The following NAV2 variants were observed in gnomAD, a reference collection of about 807,000 sequenced individuals.
NAV2 encodes the protein neuron navigator 2.
Under a neutral mutation model 223.2 loss-of-function variants are expected in NAV2, and 54 were observed. That is an observed-to-expected ratio of 0.24 (90% CI 0.19 to 0.30). NAV2 has a LOEUF of 0.30. Among genes scored for constraint, NAV2 ranks in the 10% least tolerant of loss-of-function variants. NAV2 has a pLI of 1.00. For missense variants in NAV2, 2,806 were observed against 3,147.5 expected (o/e 0.89, Z 2.60); for synonymous variants, 1,279 against 1,239.3 (o/e 1.03, Z -0.67).
intron 10 of NAV2, among the ~76,000 whole-genome samples, chr11:19,952,742 G>C (rs549337389): frequency 7.9e-5 from 12 of 152,248 alleles, no homozygotes; most frequent in Admixed American, 7.2e-4. Context: ...TTCTGTACTG[G>C]TGTGTGCATG....
At chr11:19,353,036 C>T (rs1176156816) in intron 1 of NAV2, among the ~76,000 whole-genome samples, 6 of 152,140 alleles carry the variant, frequency 3.9e-5, no homozygotes. Context: ...AGTGTTTTGG[C>T]TCATATACCT....
At chr11:19,831,995 AAGGGACCC>A (rs1357078846) in intron 1 of NAV2, among the ~76,000 whole-genome samples, 1 of 152,190 alleles carries the variant, frequency 6.6e-6, no homozygotes. Flanking sequence ...GCTTCTTTTC[AAGGGACCC>A]AGGCTCCTGA....
intron 4 of NAV2, among the ~76,000 whole-genome samples, chr11:19,879,600 T>C (rs1035050917): frequency 6.6e-6 from 1 of 152,110 alleles, no homozygotes; most frequent in Non-Finnish European, 1.5e-5. Context: ...GACGCTTGCT[T>C]TTTCATTGGT....
intron 22 of NAV2, among the ~76,000 whole-genome samples, chr11:20,074,574 CTT>C (rs1029516828): frequency 9.9e-5 from 15 of 152,052 alleles, no homozygotes; most frequent in African/African-American, 2.7e-4. Context: ...GTCTAAGTCT[CTT>C]TGTAGGTCTC....
rs537965700 is a variant in NAV2 at position 19,636,583 on chromosome 11, C to T, written c.76-195901C>T. Among the ~76,000 whole-genome samples the T allele has an allele frequency of 1.9e-3, 287 of 151,904 alleles. 1 individual carries two copies. The highest frequency in any genetic ancestry group is 4.7e-3 in the African/African-American group (193 of 41,398). ...TCGGCTCACTGCAAGCTCCGCCTCC[C>T]GGGTTCACGCCATTCTCCTGCCTCA... On this transcript the variant is annotated intron_variant, in intron 1 of 37. Transcript: ENST00000360655.
Position 20,026,901 on chromosome 11 carries a change from C to T in NAV2, c.2769-9058C>T, listed in dbSNP as rs144746829. 5.3e-3 allele frequency among the ~76,000 whole-genome samples: 812 copies of T among 152,276 alleles called. 5 individuals carry two copies. Among genetic ancestry groups the T allele is most frequent in the Non-Finnish European group, 7.7e-3 (523 of 68,028 alleles). ...TGGGAGAACATATGTTACATAACAA[C>T]AGAGCCTGACACATAGCAAACCATT... is the stretch of plus-strand genomic sequence containing the variant. On this transcript the variant is annotated intron_variant, in intron 11 of 37. Coordinates refer to ENST00000349880, the MANE Select transcript of NAV2 (RefSeq NM_145117.5).
intron 1 of NAV2, among the ~76,000 whole-genome samples, chr11:19,462,371 T>G (rs1343714572): frequency 3.3e-5 from 5 of 152,150 alleles, no homozygotes; most frequent in African/African-American, 4.8e-5. Context: ...TATTCCTATC[T>G]TATAGGTGGG....
At chr11:19,877,723 C>T (rs941233724) in intron 4 of NAV2, among the ~76,000 whole-genome samples, 2 of 152,016 alleles carry the variant, frequency 1.3e-5, no homozygotes, top group Non-Finnish European at 2.9e-5. Flanking sequence ...CCACCCACCT[C>T]GGCCTCCCAA....
At chr11:19,693,205 G>A (rs574896394) in intron 1 of NAV2, among the ~76,000 whole-genome samples, 73 of 152,328 alleles carry the variant, frequency 4.8e-4, no homozygotes, top group African/African-American at 1.7e-3. Context: ...CTCTGCGTGT[G>A]ACTCTCACCC....
intron 1 of NAV2, among the ~76,000 whole-genome samples, chr11:19,405,564 A>G (rs555497797): frequency 1.3e-5 from 2 of 152,330 alleles, no homozygotes; most frequent in South Asian, 2.1e-4. Context: ...TTAGAAAACC[A>G]TCCGTCTCCC....
intron 1 of NAV2, among the ~76,000 whole-genome samples, chr11:19,467,528 C>A (rs553113546): frequency 6.6e-6 from 1 of 152,280 alleles, no homozygotes; most frequent in South Asian, 2.1e-4. Flanking sequence ...CTTGTTTTAT[C>A]ACATCCTGGA....
At chr11:19,849,473 G>A (rs1565424093) in intron 3 of NAV2, among the ~76,000 whole-genome samples, 4 of 152,224 alleles carry the variant, frequency 2.6e-5, no homozygotes, top group African/African-American at 7.2e-5. Context: ...GCAGCTCCTT[G>A]AATTGGCCTC....
chr11:19,842,078 G>A (rs757609693), intron 2 of NAV2, among the ~76,000 whole-genome samples: 4 of 152,100 alleles, frequency 2.6e-5, no homozygotes, highest in South Asian at 4.2e-4. Flanking sequence ...ACTATGCTAC[G>A]GCCTTTCTTG....
Position 19,868,942 on chromosome 11 carries a change from C to A in NAV2, c.456C>A (p.Ala152=), listed in dbSNP as rs759881772. The change falls in exon 4 of 38, where the codon GCC becomes GCA. Residue 152 remains alanine (A), a synonymous_variant. Transcript: ENST00000349880. ...CCTCCTAGATTGAAAACATAGATGC[C>A]TGCTTGAATTTCCTGGCAGCTAAGG... is the stretch of plus-strand genomic sequence containing the variant. ...NRSQMIENID[A]CLNFLAAKGI... 1 of 1,613,842 alleles carries A rather than the reference C, an allele frequency of 6.2e-7. No homozygotes were observed. Among genetic ancestry groups the A allele is most frequent in the Non-Finnish European group, 8.5e-7 (1 of 1,179,860 alleles).
rs75540817 is a variant in NAV2, at chr11:19,952,169, T to C, written c.2645+3089T>C. 3.3e-3 allele frequency among the ~76,000 whole-genome samples: 500 copies of C among 152,338 alleles called. 14 individuals are homozygous for C. The East Asian group carries it at 0.055, about 17-fold the overall frequency. On this transcript the variant is annotated intron_variant, in intron 10 of 37. Transcript: ENST00000349880. The stretch of plus-strand genomic sequence containing the variant: ...TCCTATAAACTGGCAAGGTTGTAAA[T>C]ATTGAAAGGCTGGTTATTCTGTGCT...
At chr11:20,063,681 G>C (rs555869751) in intron 20 of NAV2, among the ~76,000 whole-genome samples, 1 of 152,128 alleles carries the variant, frequency 6.6e-6, no homozygotes, top group African/African-American at 2.4e-5. Context: ...GGCTATAGCT[G>C]TATGCTATTT....
At chr11:19,386,166 C>T (rs1337629813) in intron 1 of NAV2, among the ~76,000 whole-genome samples, 1 of 152,196 alleles carries the variant, frequency 6.6e-6, no homozygotes, top group East Asian at 1.9e-4. Flanking sequence ...TGCCCCAAAG[C>T]ATGAATGCAA....
intron 1 of NAV2, among the ~76,000 whole-genome samples, chr11:19,814,651 G>T (rs2058999817): frequency 6.6e-6 from 1 of 152,096 alleles, no homozygotes; most frequent in African/African-American, 2.4e-5. Context: ...TGTTTTGAGA[G>T]AGTGGATCTC....
At chr11:20,116,431 C>G (rs2063095390) in intron 37 of NAV2, among the ~76,000 whole-genome samples, 1 of 152,174 alleles carries the variant, frequency 6.6e-6, no homozygotes, top group Admixed American at 6.6e-5. Context: ...TAACAGTAGT[C>G]TTACAAAGGA....
Sources: allele counts gnomAD v4.1 joint callset (sites outside exome capture counted in the v4.1 genomes callset), GRCh38; gene constraint gnomAD v4.1.1; transcripts MANE v1.5; gene names NCBI Gene and HGNC (gene_info 2026-07-23, HGNC 2026-07-21).